The following SCNN1B variants were observed in gnomAD, a reference collection of about 807,000 sequenced individuals.
SCNN1B encodes epithelial sodium channel subunit beta.
In SCNN1B, 46 loss-of-function variants were observed where a neutral mutation model predicts 65.3. The observed-to-expected ratio is 0.70, with a 90% CI of 0.56 to 0.90. The LOEUF (loss-of-function observed/expected upper bound fraction) is 0.90. Ranked by LOEUF, SCNN1B falls within the 40% of genes least tolerant of loss-of-function variation. The probability of loss-of-function intolerance (pLI) is 0.00; values close to 1 mark genes in which losing one functional copy is unlikely to be tolerated. For missense variants in SCNN1B, 751 were observed against 830.5 expected, an observed-to-expected ratio of 0.90 and a Z score of 1.18; for synonymous variants, 349 against 330.6, an observed-to-expected ratio of 1.06 and a Z score of -0.60.
chr16:23,299,803 A>G (rs1461034434), upstream of SCNN1B, among the ~76,000 whole-genome samples: 1 of 152,240 alleles, frequency 6.6e-6, no homozygotes, highest in East Asian at 1.9e-4. Context: ...AGGATCTAGA[A>G]CAAGAAATAC....
intron 1 of SCNN1B, among the ~76,000 whole-genome samples, chr16:23,322,263 C>T (rs903622853): frequency 6.6e-6 from 1 of 152,096 alleles, no homozygotes; most frequent in African/African-American, 2.4e-5. Flanking sequence ...ACATACAACA[C>T]AAGCCACAGA....
chr16:23,361,439 A>T (rs1279104516), intron 4 of SCNN1B, among the ~76,000 whole-genome samples: 1 of 152,228 alleles, frequency 6.6e-6, no homozygotes, highest in Non-Finnish European at 1.5e-5. Flanking sequence ...GCCAGTGGGA[A>T]AGGAGCATTG....
chr16:23,297,768 C>G, upstream of SCNN1B, among the ~76,000 whole-genome samples: 1 of 152,144 alleles, frequency 6.6e-6, no homozygotes, highest in East Asian at 1.9e-4. Flanking sequence ...TGGGCCATAT[C>G]CACCCTGAAT....
intron 1 of SCNN1B, among the ~76,000 whole-genome samples, chr16:23,346,414 G>T (rs1046397534): frequency 7.3e-5 from 11 of 151,444 alleles, no homozygotes; most frequent in African/African-American, 2.7e-4. Flanking sequence ...TAGAGACAGG[G>T]TTTCACTATG....
intron 3 of SCNN1B, among the ~76,000 whole-genome samples, chr16:23,355,070 G>A (rs964082105): frequency 2.6e-5 from 4 of 152,144 alleles, no homozygotes; most frequent in East Asian, 1.9e-4. Context: ...AGCTGGGGGT[G>A]GGTGCACCAG....
chr16:23,375,658 C>T, intron 7 of SCNN1B, 80 bp from the exon 8 acceptor site: 1 of 1,027,926 alleles, frequency 9.7e-7, no homozygotes, highest in Non-Finnish European at 1.5e-6. Context: ...CATCACTTCT[C>T]TGGACACCCC....
chr16:23,362,197 T>C (rs1962567017), intron 4 of SCNN1B, among the ~76,000 whole-genome samples: 3 of 151,872 alleles, frequency 2.0e-5, no homozygotes, highest in Non-Finnish European at 1.5e-5. Context: ...ATACAAAAAT[T>C]AGCCGGGTGT....
intron 1 of SCNN1B, among the ~76,000 whole-genome samples, chr16:23,313,439 G>A (rs1172526280): frequency 6.6e-6 from 1 of 152,222 alleles, no homozygotes; most frequent in East Asian, 1.9e-4. Context: ...TTGAGGAGGT[G>A]TGGTCACCTT....
rs544820618 is a variant in SCNN1B, at chr16:23,345,034, C to T, written c.-8-3558C>T. Among the ~76,000 whole-genome samples, 5 of 150,314 alleles carry T rather than the reference C, an allele frequency of 3.3e-5. 1 individual carries two copies. In the South Asian group the frequency reaches 8.5e-4, roughly 26 times the overall value. On this transcript the variant is annotated intron_variant, in intron 1 of 12. Coordinates refer to ENST00000343070, the MANE Select transcript of SCNN1B (RefSeq NM_000336.3). The stretch of plus-strand genomic sequence containing the variant: ...AAGAGAGAGAGAGAGAGAGAGAGAA[C>T]AGAGTTGGAGAAGAAAGCACTTCAT...
At chr16:23,280,359 G>C (rs1178763920) in intron 1 of SCNN1B, among the ~76,000 whole-genome samples, 2 of 151,766 alleles carry the variant, frequency 1.3e-5, no homozygotes, top group Non-Finnish European at 2.9e-5. Flanking sequence ...TGAGTAGCTG[G>C]GCCCACAGGC....
Position 23,343,595 on chromosome 16 carries a change from GAA to G in SCNN1B, c.-8-4995_-8-4994del. ...AGAAAGAAAAAGAGAAAGAAAGAAA[GAA>G]AGAAAGAAAGAAAGAAAGAAAGAAA... On this transcript the variant is annotated intron_variant, in intron 1 of 12. Transcript: ENST00000343070. 3.8e-5 allele frequency among the ~76,000 whole-genome samples: 3 copies of G among 79,374 alleles called. 1 individual carries two copies. The highest frequency in any genetic ancestry group is 4.5e-4 in the East Asian group (1 of 2,218). 52.1% of individuals were successfully genotyped at this position (79,374 alleles called of 152,430 possible).
chr16:23,347,873 C>A (rs190705090), intron 1 of SCNN1B, among the ~76,000 whole-genome samples: 46 of 152,254 alleles, frequency 3.0e-4, no homozygotes, highest in African/African-American at 8.7e-4. Flanking sequence ...TGCGCCACTG[C>A]GCTCTAGGCT....
intron 1 of SCNN1B, among the ~76,000 whole-genome samples, chr16:23,336,693 TC>T (rs1317220611): frequency 6.6e-6 from 1 of 152,086 alleles, no homozygotes; most frequent in Non-Finnish European, 1.5e-5. Context: ...TTTCAATGAT[TC>T]TCAGAGGAAC....
In SCNN1B at chr16:23,380,220, G is replaced by A. The variant is rs1283065416; in HGVS notation, c.1542+51G>A. ...CCAGCCCTGCCCTGCCCTGACCCCT[G>A]CACCCTGAGGGTGGGGGAAGGGTTC... On this transcript the variant is annotated intron_variant, in intron 12 of 12. Transcript: ENST00000343070. The surrounding 1 kb of genome is among the most constrained non-coding windows in gnomAD (Gnocchi z 5.4). The A allele has an allele frequency of 2.0e-6, 3 of 1,531,540 alleles. No individual in the cohort carries two copies. The highest frequency in any genetic ancestry group is 1.7e-5 in the Admixed American group (1 of 59,944). The allele number at this position is 1,531,540 out of a possible 1,614,324, so 94.9% of individuals were successfully genotyped here. A position where few individuals can be genotyped will look rare whatever the true frequency, so the allele number is the denominator to read the frequency against.
chr16:23,308,736 G>A (rs1961274451), intron 1 of SCNN1B, among the ~76,000 whole-genome samples: 1 of 152,106 alleles, frequency 6.6e-6, no homozygotes, highest in African/African-American at 2.4e-5. Context: ...GGGTTCAAGC[G>A]ATTCTCCTGC....
At chr16:23,281,486 C>T (rs2141966574) in intron 1 of SCNN1B, among the ~76,000 whole-genome samples, 1 of 152,242 alleles carries the variant, frequency 6.6e-6, no homozygotes, top group South Asian at 2.1e-4. Flanking sequence ...TGGTACATAA[C>T]AGCTGTTCAG....
In SCNN1B at chr16:23,380,602, C is replaced by T. The variant is rs752661550; in HGVS notation, c.1724C>T (p.Pro575Leu). The T allele has an allele frequency of 1.7e-5, 27 of 1,613,918 alleles. No individual in the cohort carries two copies. Among genetic ancestry groups the T allele is most frequent in the Non-Finnish European group, 2.0e-5 (24 of 1,179,990 alleles). Residue 575 changes from proline (P) to leucine (L), a missense_variant, in exon 13 of 13, where the codon CCG becomes CTG. By Grantham distance (98) the Pro-to-Leu change is moderately conservative (BLOSUM62 -3). Coordinates refer to ENST00000343070, the MANE Select transcript of SCNN1B (RefSeq NM_000336.3). This position sits in a 1 kb window ranked among gnomAD's most constrained non-coding sequence, Gnocchi z 5.4. ...RRAQASYAGP[P>L]PTVAELVEAH... ...GCCCAAGCCAGCTACGCTGGCCCAC[C>T]GCCCACCGTGGCCGAGCTGGTGGAG...
At chr16:23,313,177 T>C (rs1182420567) in intron 1 of SCNN1B, among the ~76,000 whole-genome samples, 1 of 152,160 alleles carries the variant, frequency 6.6e-6, no homozygotes, top group Non-Finnish European at 1.5e-5. Flanking sequence ...GATGGATGGA[T>C]GCATATCAGC....
chr16:23,302,218 G>GCTCCGGGAC (rs1289861897), upstream of SCNN1B: 1 of 152,438 alleles, frequency 6.6e-6, no homozygotes, highest in African/African-American at 2.4e-5. Flanking sequence ...CCGGGACCGT[G>GCTCCGGGAC]CGTGTGGCCA....
Sources: gnomAD v4.1 joint callset for allele counts (sites outside exome capture counted in the v4.1 genomes callset) on GRCh38, gnomAD v4.1.1 for gene constraint, Gnocchi (gnomAD v3.1) non-coding constraint, MANE v1.5 for transcripts, NCBI Gene and HGNC (gene_info 2026-07-23, HGNC 2026-07-21) for gene names.